The following IRAK2 variants were observed in gnomAD, a reference collection of about 807,000 sequenced individuals.
IRAK2 encodes the protein interleukin-1 receptor-associated kinase-like 2.
In IRAK2, 57 loss-of-function variants were observed where a neutral mutation model predicts 72.0. The ratio of observed to expected loss-of-function variants is 0.79; its 90% CI spans 0.64 to 0.99. The LOEUF (loss-of-function observed/expected upper bound fraction) is 0.99. IRAK2 is among the 50% of genes least tolerant of loss of function. The pLI, the probability that IRAK2 is intolerant of heterozygous loss-of-function variation, is 0.00. For synonymous variants in IRAK2, 293 were observed against 312.7 expected (o/e 0.94, Z 0.67); for missense variants, 790 against 794.4 (o/e 0.99, Z 0.07).
intron 1 of IRAK2, among the ~76,000 whole-genome samples, chr3:10,173,295 CAT>C (rs144672538): frequency 0.055 from 8,434 of 152,224 alleles, 388 homozygotes; most frequent in African/African-American, 0.12. Flanking sequence ...GACTTTCGCA[CAT>C]GTTTTCATAT....
At chr3:10,165,645 G>A (rs1270518047) in intron 1 of IRAK2, among the ~76,000 whole-genome samples, 7 of 150,880 alleles carry the variant, frequency 4.6e-5, no homozygotes, top group East Asian at 3.9e-4. Flanking sequence ...ACAGGCGCCC[G>A]CTACCACCCT....
chr3:10,216,878 A>G, intron 6 of IRAK2, 56 bp from the exon 7 acceptor site: 1 of 1,299,408 alleles, frequency 7.7e-7, no homozygotes, highest in Non-Finnish European at 1.1e-6. Context: ...GGACATGAGG[A>G]AGTAGATCAT....
At chr3:10,212,328 A>C (rs150971503) in intron 4 of IRAK2, among the ~76,000 whole-genome samples, 1 of 150,840 alleles carries the variant, frequency 6.6e-6, no homozygotes, top group Non-Finnish European at 1.5e-5. Flanking sequence ...CTCATCAGCT[A>C]TCATTAGTAT....
chr3:10,240,801 C>T (rs895237312), intron 12 of IRAK2, among the ~76,000 whole-genome samples: 11 of 151,208 alleles, frequency 7.3e-5, no homozygotes, highest in Non-Finnish European at 1.0e-4. Context: ...TCAGGTGATC[C>T]GCCCACCTCG....
intron 2 of IRAK2, among the ~76,000 whole-genome samples, chr3:10,185,586 C>T (rs1168261746): frequency 1.4e-5 from 2 of 143,176 alleles, no homozygotes; most frequent in African/African-American, 2.6e-5. Context: ...AAAAGAACCA[C>T]TGCTCTGGCT....
chr3:10,176,065 G>GTTTTT (rs58627914), intron 1 of IRAK2, among the ~76,000 whole-genome samples: 4 of 77,428 alleles, frequency 5.2e-5, no homozygotes, highest in African/African-American at 9.1e-5. Context: ...TATTGTCCAT[G>GTTTTT]TTTTTTTTTT....
At chr3:10,229,482 G>A (rs555484458) in intron 10 of IRAK2, among the ~76,000 whole-genome samples, 1 of 152,092 alleles carries the variant, frequency 6.6e-6, no homozygotes, top group African/African-American at 2.4e-5. Flanking sequence ...GAATATTTTT[G>A]TCACCCCAGA....
In IRAK2 at chr3:10,234,522, G is replaced by C. The variant is rs1395048834; in HGVS notation, c.1336G>C (p.Val446Leu). ...TASLCSRKTG[V>L]ENVMAKEICQ... ...CTCGCTCTGCTCCAGGAAGACGGGC[G>C]TGGAGAACGTGATGGCAAAGGAGAT... The change falls in exon 11 of 13, where the codon GTG becomes CTG. Residue 446 changes from valine to leucine, a missense_variant. Coordinates refer to ENST00000256458, the MANE Select transcript of IRAK2 (RefSeq NM_001570.4). The C allele has an allele frequency of 6.2e-7, 1 of 1,614,152 alleles. No individual in the cohort carries two copies. The highest frequency in any genetic ancestry group is 1.1e-5 in the South Asian group (1 of 91,088).
chr3:10,188,749 C>T (rs1040740946), intron 2 of IRAK2, among the ~76,000 whole-genome samples: 1 of 152,232 alleles, frequency 6.6e-6, no homozygotes, highest in African/African-American at 2.4e-5. Context: ...TGGTCTCAAA[C>T]TCCCGACCTC....
intron 1 of IRAK2, among the ~76,000 whole-genome samples, chr3:10,170,075 C>T (rs1696771196): frequency 6.6e-6 from 1 of 152,152 alleles, no homozygotes; most frequent in Admixed American, 6.6e-5. Flanking sequence ...TTCTGGAGGT[C>T]AGAAGTCCTA....
rs1446933021 is a variant in IRAK2, at chr3:10,218,442, AAAAC to A, written c.904-1237_904-1234del. On this transcript the variant is annotated intron_variant, in intron 7 of 12. Transcript: ENST00000256458. The stretch of plus-strand genomic sequence containing the variant: ...CCGTCTCAAAAAAAAAAAAAAAAAA[AAAAC>A]CAAAACGGTGATGATTTAGCCTGGG... 4.8e-4 allele frequency among the ~76,000 whole-genome samples: 65 copies of A among 134,764 alleles called. 1 individual carries two copies. Among genetic ancestry groups the A allele is most frequent in the Non-Finnish European group, 8.5e-4 (52 of 61,296 alleles). 88.4% of individuals were successfully genotyped at this position (134,764 alleles called of 152,430 possible). A position where few individuals can be genotyped will look rare whatever the true frequency, so the allele number is the denominator to read the frequency against.
rs1169914784 is a variant in IRAK2, at chr3:10,223,561, C to T, written c.1209+730C>T. Among the ~76,000 whole-genome samples the T allele has an allele frequency of 5.3e-5, 8 of 152,342 alleles. No individual in the cohort carries two copies. In the East Asian group the frequency reaches 1.3e-3, roughly 26 times the overall value. Reference sequence around the variant, plus strand: ...TTGGAAATATTGCATTAGGCAAAGTCAAGCAGGTTTCTTTACCACAAGATT... The same window carrying T: ...TTGGAAATATTGCATTAGGCAAAGTTAAGCAGGTTTCTTTACCACAAGATT... On this transcript the variant is annotated intron_variant, in intron 9 of 12. Transcript: ENST00000256458.
chr3:10,176,066 T>TTTTTC (rs1491164791), intron 1 of IRAK2, among the ~76,000 whole-genome samples: 2 of 52,840 alleles, frequency 3.8e-5, no homozygotes, highest in African/African-American at 9.9e-5. Context: ...ATTGTCCATG[T>TTTTTC]TTTTTTTTTT....
chr3:10,174,932 C>A (rs1488306659), intron 1 of IRAK2, among the ~76,000 whole-genome samples: 5 of 143,278 alleles, frequency 3.5e-5, no homozygotes, highest in African/African-American at 8.0e-5. Context: ...ATGCCTGTAC[C>A]AAAAAAAAAA....
At chr3:10,205,391 C>CAG (rs1697420594) in intron 3 of IRAK2, among the ~76,000 whole-genome samples, 1 of 152,200 alleles carries the variant, frequency 6.6e-6, no homozygotes, top group Non-Finnish European at 1.5e-5. Context: ...CCCAAGACCA[C>CAG]AGGGATAAAT....
intron 2 of IRAK2, among the ~76,000 whole-genome samples, chr3:10,196,055 GC>G (rs762393287): frequency 3.3e-5 from 5 of 152,218 alleles, no homozygotes; most frequent in Admixed American, 6.5e-5. Context: ...CCAGACCCGT[GC>G]TTGAATCAGC....
At chr3:10,203,600 A>C (rs1276156527) in intron 3 of IRAK2, among the ~76,000 whole-genome samples, 1 of 152,130 alleles carries the variant, frequency 6.6e-6, no homozygotes. Context: ...GGTGGGAAGG[A>C]AGTGGGAAGA....
chr3:10,165,721 A>ATTTTTTTTTT (rs34176794), intron 1 of IRAK2, among the ~76,000 whole-genome samples: 18 of 76,774 alleles, frequency 2.3e-4, no homozygotes, highest in African/African-American at 9.1e-4. Context: ...GTCTTGAACT[A>ATTTTTTTTTT]TTTTTTTTTT....
chr3:10,190,953 C>T (rs1016697723), intron 2 of IRAK2, among the ~76,000 whole-genome samples: 1 of 152,184 alleles, frequency 6.6e-6, no homozygotes, highest in Non-Finnish European at 1.5e-5. Flanking sequence ...GGCTCACTAG[C>T]TGTTAAGTGC....
Sources: allele counts gnomAD v4.1 joint callset (sites outside exome capture counted in the v4.1 genomes callset), GRCh38; gene constraint gnomAD v4.1.1; transcripts MANE v1.5; gene names NCBI Gene and HGNC (gene_info 2026-07-23, HGNC 2026-07-21).